SPOP: variants seen among roughly 807,000 people sequenced by gnomAD.
SPOP encodes speckle-type POZ protein.
SPOP carries 11 observed loss-of-function variants against 45.6 expected under a neutral mutation model. The ratio of observed to expected loss-of-function variants is 0.24; its 90% CI spans 0.15 to 0.40. The LOEUF is 0.40. SPOP is among the 10% of genes least tolerant of loss of function. The pLI, the probability that SPOP is intolerant of heterozygous loss-of-function variation, is 1.00. For missense variants in SPOP, 152 were observed against 465.6 expected, an observed-to-expected ratio of 0.33 and a Z score of 6.20; for synonymous variants, 166 against 166.3, an observed-to-expected ratio of 1.00 and a Z score of 0.01.
At chr17:49,602,153 TA>T in intron 8 of SPOP, 146 bp from the exon 9 acceptor site, 1 of 847,938 alleles carries the variant, frequency 1.2e-6, no homozygotes, top group Non-Finnish European at 1.7e-6. Context: ...ACTGCAATGA[TA>T]AAACATAACC....
chr17:49,618,852 A>G (rs752712883), intron 5 of SPOP, 129 bp downstream of exon 5: 27 of 1,153,292 alleles, frequency 2.3e-5, no homozygotes, highest in South Asian at 4.6e-5. Context: ...AGTCACATAA[A>G]TAACATTTGT....
intron 1 of SPOP, among the ~76,000 whole-genome samples, chr17:49,626,566 G>A (rs1000566263): frequency 1.4e-4 from 21 of 151,914 alleles, no homozygotes; most frequent in African/African-American, 4.1e-4. Context: ...GTGATAATGC[G>A]TGCCTGTAAT....
At chr17:49,644,097 G>A (rs2072709832) in intron 1 of SPOP, among the ~76,000 whole-genome samples, 4 of 152,034 alleles carry the variant, frequency 2.6e-5, no homozygotes, top group Admixed American at 2.6e-4. Context: ...CAGGTGCTGT[G>A]GCTCACACCT....
intron 1 of SPOP, among the ~76,000 whole-genome samples, chr17:49,631,293 T>A (rs139376399): frequency 2.7e-4 from 41 of 152,260 alleles, no homozygotes; most frequent in African/African-American, 9.6e-4. Context: ...TCTTAAAAAA[T>A]AAGGAAGCTC....
At chr17:49,664,124 T>C (rs1278820789) in intron 1 of SPOP, among the ~76,000 whole-genome samples, 1 of 152,230 alleles carries the variant, frequency 6.6e-6, no homozygotes, top group Non-Finnish European at 1.5e-5. Context: ...AACATCAATA[T>C]GATTTCAGAT....
At position 49,599,310 on chromosome 17, in the gene SPOP, C is replaced by CAAA; in HGVS notation, c.*1065_*1067dup. The CAAA allele has an allele frequency of 5.3e-6, 1 of 187,018 alleles. No homozygotes were observed. The highest frequency in any genetic ancestry group is 1.1e-5 in the Non-Finnish European group (1 of 93,414). 11.6% of individuals were successfully genotyped at this position (187,018 alleles called of 1,614,324 possible). On this transcript the variant is annotated 3_prime_UTR_variant, in exon 10 of 10. Transcript: ENST00000504102. ...ACAAAATAGTAATTATTTATATTTT[C>CAAA]AAAAAAAAAAAAATTAACATTTGGA... is the stretch of plus-strand genomic sequence containing the variant.
intron 5 of SPOP, chr17:49,618,493 A>T (rs914796190): frequency 2.2e-6 from 1 of 453,190 alleles, no homozygotes; most frequent in African/African-American, 2.0e-5. Context: ...TAGAAAAAAA[A>T]TGGTTCTCAC....
intron 5 of SPOP, chr17:49,612,669 C>A (rs1369197778): frequency 1.3e-5 from 2 of 152,234 alleles, no homozygotes; most frequent in Non-Finnish European, 2.9e-5. Flanking sequence ...AGTTGCCCAA[C>A]TGTAGATAGG....
chr17:49,660,770 C>A (rs1005595591), intron 1 of SPOP, among the ~76,000 whole-genome samples: 4 of 152,118 alleles, frequency 2.6e-5, no homozygotes, highest in Non-Finnish European at 5.9e-5. Flanking sequence ...CGAAACCATC[C>A]TGGCTAACAG....
chr17:49,632,404 C>G (rs2072467577), intron 1 of SPOP, among the ~76,000 whole-genome samples: 1 of 152,070 alleles, frequency 6.6e-6, no homozygotes, highest in South Asian at 2.1e-4. Context: ...GTACATTTCC[C>G]AGAATAAGTC....
chr17:49,649,250 A>G (rs2072805839), intron 1 of SPOP, among the ~76,000 whole-genome samples: 2 of 151,978 alleles, frequency 1.3e-5, no homozygotes, highest in Non-Finnish European at 2.9e-5. Context: ...TAGAAAGTAA[A>G]CTATGGGCCG....
At chr17:49,625,213 T>C (rs1267229489) in intron 1 of SPOP, among the ~76,000 whole-genome samples, 2 of 152,352 alleles carry the variant, frequency 1.3e-5, no homozygotes, top group East Asian at 3.9e-4. Flanking sequence ...GCACCATTAA[T>C]AACAGTGAAA....
chr17:49,611,222 T>A, intron 6 of SPOP, 58 bp downstream of exon 6: 3 of 1,565,532 alleles, frequency 1.9e-6, no homozygotes, highest in Non-Finnish European at 2.6e-6. Flanking sequence ...GATTATGCAA[T>A]CACTTGTTTT....
rs796515393 is a variant in SPOP at position 49,599,515 on chromosome 17, T to G, written c.*863A>C. 80 of 192,818 alleles carry G rather than the reference T, an allele frequency of 4.1e-4. No homozygotes were observed. Among genetic ancestry groups the G allele is most frequent in the African/African-American group, 1.9e-3 (65 of 34,474 alleles). 11.9% of individuals were successfully genotyped at this position (192,818 alleles called of 1,614,324 possible). On this transcript the variant is annotated 3_prime_UTR_variant, in exon 10 of 10. Transcript: ENST00000504102. Reference sequence around the variant, plus strand: ...TGTTTTTGTTTTGTGTGTTTTTTTTTTTGTTTGTTTTTTAGAAAAAGGGGT... The same window carrying G: ...TGTTTTTGTTTTGTGTGTTTTTTTTGTTGTTTGTTTTTTAGAAAAAGGGGT...
chr17:49,667,949 C>G (rs1441522224), intron 1 of SPOP: 2 of 152,304 alleles, frequency 1.3e-5, no homozygotes, highest in Middle Eastern at 3.4e-3. Context: ...ATGGATGAAC[C>G]TTAAGGACAC....
At chr17:49,633,464 T>C (rs551736435) in intron 1 of SPOP, among the ~76,000 whole-genome samples, 11 of 152,252 alleles carry the variant, frequency 7.2e-5, no homozygotes, top group South Asian at 6.2e-4. Flanking sequence ...AAGGAGACCT[T>C]AGCAGCCAGC....
At chr17:49,642,847 C>T (rs1280649670) in intron 1 of SPOP, among the ~76,000 whole-genome samples, 1 of 152,148 alleles carries the variant, frequency 6.6e-6, no homozygotes, top group Non-Finnish European at 1.5e-5. Context: ...AATGAAATTG[C>T]CTATTGGGTG....
chr17:49,656,083 A>T (rs1410721694), intron 1 of SPOP, among the ~76,000 whole-genome samples: 2 of 152,152 alleles, frequency 1.3e-5, no homozygotes, highest in Non-Finnish European at 2.9e-5. Context: ...AAGTGCTGTG[A>T]CCACAGGTGT....
chr17:49,654,739 C>T (rs1597971639), intron 1 of SPOP, among the ~76,000 whole-genome samples: 1 of 152,100 alleles, frequency 6.6e-6, no homozygotes, highest in South Asian at 2.1e-4. Context: ...GGGCTGAGAT[C>T]GCATCAATGC....
Sources: allele counts gnomAD v4.1 joint callset (sites outside exome capture counted in the v4.1 genomes callset), GRCh38; gene constraint gnomAD v4.1.1; transcripts MANE v1.5; gene names NCBI Gene and HGNC (gene_info 2026-07-23, HGNC 2026-07-21).